Variants in DDX25 observed in about 807,000 individuals in gnomAD.
The protein encoded by DDX25 is ATP-dependent RNA helicase DDX25.
DDX25 carries 70 observed loss-of-function variants against 64.6 expected under a neutral mutation model. The observed-to-expected ratio is 1.08, with a 90% confidence interval of 0.89 to 1.32. The LOEUF is 1.32. Among genes scored for constraint, DDX25 ranks in the 40% most tolerant of loss-of-function variants. The probability of loss-of-function intolerance (pLI) is 0.00; values close to 1 mark genes in which losing one functional copy is unlikely to be tolerated. For missense variants in DDX25, 587 were observed against 604.4 expected, an observed-to-expected ratio of 0.97 and a Z score of 0.30; for synonymous variants, 211 against 213.3, an observed-to-expected ratio of 0.99 and a Z score of 0.09.
At chr11:125,919,334 T>G (rs1344465313) in intron 10 of DDX25, among the ~76,000 whole-genome samples, 1 of 152,186 alleles carries the variant, frequency 6.6e-6, no homozygotes, top group African/African-American at 2.4e-5. Context: ...GGCCCTATGA[T>G]AGGTGTGCGT....
rs763603279 is a variant in DDX25, at chr11:125,911,295, A to T, written c.623-16A>T. On this transcript the variant is annotated splice_polypyrimidine_tract_variant and intron_variant, in intron 7 of 11. Coordinates refer to ENST00000263576, the MANE Select transcript of DDX25 (RefSeq NM_013264.5). ...GTTTGCATCTGAAGGAGTGCTTAAAACCCTTTTCTCCCCAGTTCCCAGAGG... is the reference window on the plus strand; with the variant it reads ...GTTTGCATCTGAAGGAGTGCTTAAATCCCTTTTCTCCCCAGTTCCCAGAGG... 5.0e-6 allele frequency: 8 copies of T among 1,602,060 alleles called. No individual in the cohort carries two copies. The South Asian group carries it at 7.9e-5, about 16-fold the overall frequency.
intron 7 of DDX25, among the ~76,000 whole-genome samples, chr11:125,910,779 G>A (rs375425283): frequency 3.1e-4 from 47 of 152,036 alleles, no homozygotes; most frequent in Admixed American, 2.0e-4. Flanking sequence ...TGGATTTTTC[G>A]TTAAAATATT....
chr11:125,907,459 T>C (rs1944906196), intron 4 of DDX25, among the ~76,000 whole-genome samples: 1 of 151,940 alleles, frequency 6.6e-6, no homozygotes, highest in Non-Finnish European at 1.5e-5. Flanking sequence ...ATACAAAAAA[T>C]TAGCCAGGTG....
In DDX25 at chr11:125,910,420, G is replaced by A. The variant is rs1185884308; in HGVS notation, c.564G>A (p.Glu188=). Residue 188 remains glutamate, a synonymous_variant, in exon 7 of 12, where the codon GAG becomes GAA. Transcript: ENST00000263576. ...CTCTGCAAACTGGCCGTGTGGTTGA[G>A]CAGATGGGAAAATTCTGTGTGGATG... ...ELALQTGRVV[E]QMGKFCVDVQ... 1.2e-6 allele frequency: 2 copies of A among 1,614,010 alleles called. No homozygotes were observed. Among genetic ancestry groups the A allele is most frequent in the Admixed American group, 1.7e-5 (1 of 60,028 alleles).
chr11:125,917,169 G>A lies in DDX25; in HGVS notation c.956G>A (p.Cys319Tyr). 1.2e-6 allele frequency: 2 copies of A among 1,611,488 alleles called. No individual in the cohort carries two copies. The highest frequency in any genetic ancestry group is 1.7e-6 in the Non-Finnish European group (2 of 1,178,974). Residue 319 changes from cysteine to tyrosine, a missense_variant, in exon 9 of 12, where the codon TGT (cysteine) becomes TAT (tyrosine). Transcript: ENST00000263576. Reference protein sequence around the residue: ...LNNIRQYYVLCEHRKDKYQAL... With the variant: ...LNNIRQYYVLYEHRKDKYQAL... The stretch of plus-strand genomic sequence containing the variant: ...AACATCCGGCAATATTACGTGCTGT[G>A]TGAGCACAGGAAAGACAAATACCAA...
intron 8 of DDX25, among the ~76,000 whole-genome samples, chr11:125,913,860 C>CA (rs10523721): frequency 2.3e-4 from 34 of 150,610 alleles, no homozygotes; most frequent in East Asian, 9.8e-4. Context: ...CATAACAATC[C>CA]AAAAAAAAAA....
At chr11:125,905,112 T>C (rs1944865140) in intron 1 of DDX25, 100 bp from the exon 2 acceptor site, 1 of 1,039,662 alleles carries the variant, frequency 9.6e-7, no homozygotes, top group African/African-American at 1.6e-5. Flanking sequence ...AATACCCGGG[T>C]GTCCTTCCCT....
At chr11:125,908,087 A>T in intron 4 of DDX25, 109 bp from the exon 5 acceptor site, 2 of 854,712 alleles carry the variant, frequency 2.3e-6, no homozygotes, top group Non-Finnish European at 3.6e-6. Flanking sequence ...TACTAGTTTT[A>T]AAGCTCAGCT....
chr11:125,907,329 C>T (rs560406241), intron 4 of DDX25, among the ~76,000 whole-genome samples: 2 of 152,278 alleles, frequency 1.3e-5, no homozygotes, highest in East Asian at 3.9e-4. Context: ...GAAGTGTTGG[C>T]CGGGCGCGGT....
intron 10 of DDX25, among the ~76,000 whole-genome samples, chr11:125,919,910 G>A (rs1317743127): frequency 4.6e-5 from 7 of 152,176 alleles, no homozygotes; most frequent in Non-Finnish European, 7.3e-5. Flanking sequence ...TGTGATTGAG[G>A]AACTGAATTT....
rs548017148 is a variant in DDX25 at position 125,927,092 on chromosome 11, A to G, written c.*4211A>G. On this transcript the variant is annotated 3_prime_UTR_variant, in exon 12 of 12. Coordinates refer to ENST00000263576, the MANE Select transcript of DDX25 (RefSeq NM_013264.5). The stretch of plus-strand genomic sequence containing the variant: ...GGTTTCTCTTACTGCTTTGCAAACT[A>G]TCAGTTTTAAATGTGGGTGGGGCTG... The G allele has an allele frequency of 1.3e-4, 20 of 152,352 alleles. No individual in the cohort carries two copies. Among genetic ancestry groups the G allele is most frequent in the African/African-American group, 4.6e-4 (19 of 41,584 alleles). The allele number at this position is 152,352 out of a possible 1,614,324, so 9.4% of individuals were successfully genotyped here.
chr11:125,915,110 C>T (rs1438988344), intron 8 of DDX25, among the ~76,000 whole-genome samples: 1 of 151,830 alleles, frequency 6.6e-6, no homozygotes, highest in East Asian at 1.9e-4. Flanking sequence ...TGCGTGGCCC[C>T]AAAAAGGGCT....
chr11:125,908,281 G>A lies in DDX25; in HGVS notation c.397G>A (p.Ala133Thr). 6.2e-7 allele frequency: 1 copy of A among 1,613,786 alleles called. No homozygotes were observed. The highest frequency in any genetic ancestry group is 8.5e-7 in the Non-Finnish European group (1 of 1,179,768). Residue 133 changes from alanine to threonine, a missense_variant, in exon 5 of 12, where the codon GCA becomes ACA. Ala to Thr is a moderately conservative substitution (Grantham distance 58). Coordinates refer to ENST00000263576, the MANE Select transcript of DDX25 (RefSeq NM_013264.5). ...AGAGATGGCTCTCCCTATGATGCTGGCACATCCGTGAGTTTCCAGGGTAGT... is the reference window on the plus strand; with the variant it reads ...AGAGATGGCTCTCCCTATGATGCTGACACATCCGTGAGTTTCCAGGGTAGT... Reference protein sequence around the residue: ...IQEMALPMMLAHPPQNLIAQS... With the variant: ...IQEMALPMMLTHPPQNLIAQS...
intron 1 of DDX25, 34 bp from the exon 2 acceptor site, chr11:125,905,177 TC>T: frequency 6.5e-7 from 1 of 1,548,380 alleles, no homozygotes; most frequent in Non-Finnish European, 8.7e-7. Context: ...AGGGCTTGCA[TC>T]CTAATATTGG....
chr11:125,925,344 C>T lies in DDX25; in HGVS notation c.*2463C>T, dbSNP rs147456664. 9 of 451,184 alleles carry T rather than the reference C, an allele frequency of 2.0e-5. No individual in the cohort carries two copies. Among genetic ancestry groups the T allele is most frequent in the African/African-American group, 8.0e-5 (4 of 50,140 alleles). The allele number at this position is 451,184 out of a possible 1,614,324, so 27.9% of individuals were successfully genotyped here. A position where few individuals can be genotyped will look rare whatever the true frequency, so the allele number is the denominator to read the frequency against. ...TGCGTTCCCTTTTGCCCCCTCCTCA[C>T]GTCCCTTTGTCTCACCACCTAGGAG... On this transcript the variant is annotated 3_prime_UTR_variant, in exon 12 of 12. Transcript: ENST00000263576.
intron 10 of DDX25, chr11:125,920,859 CAG>C: frequency 4.7e-6 from 1 of 214,218 alleles, no homozygotes; most frequent in Middle Eastern, 1.7e-3. Flanking sequence ...ACAGCAGGAG[CAG>C]AGAGGAGAGG....
chr11:125,915,150 C>G (rs1414779356), intron 8 of DDX25, among the ~76,000 whole-genome samples: 3 of 152,172 alleles, frequency 2.0e-5, no homozygotes, highest in Admixed American at 2.0e-4. Context: ...ATTTTATACT[C>G]AAGAGAATAT....
chr11:125,913,212 C>T (rs1298203), intron 8 of DDX25, among the ~76,000 whole-genome samples: 27,237 of 151,372 alleles, frequency 0.18, 2,616 homozygotes, highest in Admixed American at 0.27. Context: ...ATATTCCAAG[C>T]TCCCTCTCTC....
rs377547552 is a variant in DDX25, at chr11:125,917,150, C to A, written c.937C>A (p.Arg313=). 1 of 1,611,086 alleles carries A rather than the reference C, an allele frequency of 6.2e-7. No homozygotes were observed. The highest frequency in any genetic ancestry group is 8.5e-7 in the Non-Finnish European group (1 of 1,178,860). Residue 313 remains arginine (R), a synonymous_variant, in exon 9 of 12, where the codon CGG becomes AGG. Coordinates refer to ENST00000263576, the MANE Select transcript of DDX25 (RefSeq NM_013264.5). ...AGAGGAGCTCACACTGAACAACATC[C>A]GGCAATATTACGTGCTGTGTGAGCA... ...RKEELTLNNI[R]QYYVLCEHRK...
Sources: allele counts gnomAD v4.1 joint callset (sites outside exome capture counted in the v4.1 genomes callset), GRCh38; gene constraint gnomAD v4.1.1; transcripts MANE v1.5; gene names NCBI Gene and HGNC (gene_info 2026-07-23, HGNC 2026-07-21).